The following PPP4R3B variants were observed in gnomAD, a reference collection of about 807,000 sequenced individuals.
PPP4R3B encodes the protein protein phosphatase 4 regulatory subunit 3B.
A neutral mutation model predicts 95.4 loss-of-function variants in PPP4R3B; 52 were observed. The observed-to-expected ratio is 0.54, with a 90% CI of 0.44 to 0.69. The LOEUF is 0.69. Ranked by LOEUF, PPP4R3B falls within the 30% of genes least tolerant of loss-of-function variation. The pLI, the probability that PPP4R3B is intolerant of heterozygous loss-of-function variation, is 0.00. For synonymous variants in PPP4R3B, 407 were observed against 343.9 expected (o/e 1.18, Z -2.03); for missense variants, 1,003 against 1,005.9 (o/e 1.00, Z 0.04).
chr2:55,581,487 A>G (rs1278591676), intron 8 of PPP4R3B, 80 bp downstream of exon 8: 1 of 1,417,468 alleles, frequency 7.1e-7, no homozygotes, highest in African/African-American at 1.4e-5. Context: ...TACTTAAAAT[A>G]CTTGTTTCTC....
chr2:55,610,329 C>T (rs912665542), intron 2 of PPP4R3B, among the ~76,000 whole-genome samples: 2 of 152,162 alleles, frequency 1.3e-5, no homozygotes, highest in Non-Finnish European at 2.9e-5. Context: ...ACACTCATTT[C>T]TTTAAACACA....
chr2:55,607,344 T>C (rs1185540652), intron 2 of PPP4R3B, among the ~76,000 whole-genome samples: 2 of 152,176 alleles, frequency 1.3e-5, no homozygotes. Context: ...TGCCCCCTAC[T>C]TCTAATGCCA....
At chr2:55,603,022 T>C (rs56176323) in intron 3 of PPP4R3B, among the ~76,000 whole-genome samples, 4,339 of 152,020 alleles carry the variant, frequency 0.029, 84 homozygotes, top group South Asian at 0.1. Flanking sequence ...TGGCATTATC[T>C]TGGCTCACTG....
rs567789369 is a variant in PPP4R3B at position 55,549,494 on chromosome 2, T to C, written c.*417A>G. Reference sequence around the variant, plus strand: ...GAGGCAACTGATTAAAACAACAACATGGCCAGCACCATTATACAAGTAATG... The same window carrying C: ...GAGGCAACTGATTAAAACAACAACACGGCCAGCACCATTATACAAGTAATG... On this transcript the variant is annotated 3_prime_UTR_variant, in exon 17 of 17. Coordinates refer to ENST00000616407, the MANE Select transcript of PPP4R3B (RefSeq NM_001122964.3). 8.5e-4 allele frequency: 131 copies of C among 154,540 alleles called. No homozygotes were observed. The highest frequency in any genetic ancestry group is 1.7e-3 in the Non-Finnish European group (119 of 69,364). 9.6% of individuals were successfully genotyped at this position (154,540 alleles called of 1,614,324 possible). A position where few individuals can be genotyped will look rare whatever the true frequency, so the allele number is the denominator to read the frequency against.
intron 2 of PPP4R3B, among the ~76,000 whole-genome samples, chr2:55,605,763 G>C (rs1693283790): frequency 6.6e-6 from 1 of 152,036 alleles, no homozygotes; most frequent in African/African-American, 2.4e-5. Context: ...AAAATTAGCT[G>C]GGCGTGGTGG....
chr2:55,586,598 A>T lies in PPP4R3B; in HGVS notation c.1116+20T>A. On this transcript the variant is annotated intron_variant, in intron 6 of 16. Coordinates refer to ENST00000616407, the MANE Select transcript of PPP4R3B (RefSeq NM_001122964.3). ...ACAAATTTACAATTTCAAAAACATG[A>T]AAAGAAACGGCATAATTACCATTAC... 1 of 1,448,600 alleles carries T rather than the reference A, an allele frequency of 6.9e-7. No homozygotes were observed. Among genetic ancestry groups the T allele is most frequent in the Non-Finnish European group, 9.6e-7 (1 of 1,046,110 alleles). 89.7% of individuals were successfully genotyped at this position (1,448,600 alleles called of 1,614,324 possible).
chr2:55,581,903 GAAAA>G (rs753938981), intron 7 of PPP4R3B, among the ~76,000 whole-genome samples: 1 of 142,964 alleles, frequency 7.0e-6, no homozygotes, highest in Non-Finnish European at 1.5e-5. Context: ...CCCACTCCGA[GAAAA>G]AAAAAAGAAG....
At chr2:55,596,153 T>A (rs550752623) in intron 4 of PPP4R3B, among the ~76,000 whole-genome samples, 2 of 152,284 alleles carry the variant, frequency 1.3e-5, no homozygotes, top group South Asian at 4.1e-4. Flanking sequence ...AACATACTTT[T>A]AACCCTTTAC....
rs1300751054 is a variant in PPP4R3B at position 55,599,493 on chromosome 2, C to T, written c.298-454G>A. Among the ~76,000 whole-genome samples, 5 of 152,224 alleles carry T rather than the reference C, an allele frequency of 3.3e-5. No individual in the cohort carries two copies. In the East Asian group the frequency reaches 9.7e-4, roughly 29 times the overall value. ...AAATAAATAAAATAAAATGAATTCT[C>T]TTCCAGCTTGGTCCCTGAATGACTC... On this transcript the variant is annotated intron_variant, in intron 3 of 16. Coordinates refer to ENST00000616407, the MANE Select transcript of PPP4R3B (RefSeq NM_001122964.3).
intron 11 of PPP4R3B, among the ~76,000 whole-genome samples, chr2:55,574,445 G>C (rs1412020294): frequency 6.6e-6 from 1 of 151,720 alleles, no homozygotes; most frequent in Non-Finnish European, 1.5e-5. Flanking sequence ...ATCTATAAAA[G>C]GGCCCATTGT....
rs143315825 is a variant in PPP4R3B, at chr2:55,555,671, A to G, written c.2454+3104T>C. 4.5e-3 allele frequency among the ~76,000 whole-genome samples: 681 copies of G among 152,368 alleles called. 3 individuals carry two copies. The highest frequency in any genetic ancestry group is 6.6e-3 in the Admixed American group (101 of 15,308). ...TGAAATGATATATGCAAGTGGTCAC[A>G]TATTGCAGCAATGATTTTAACTACA... is the stretch of plus-strand genomic sequence containing the variant. On this transcript the variant is annotated intron_variant, in intron 16 of 16. Coordinates refer to ENST00000616407, the MANE Select transcript of PPP4R3B (RefSeq NM_001122964.3).
Position 55,578,312 on chromosome 2 carries a change from C to T in PPP4R3B, c.1499G>A (p.Trp500Ter), listed in dbSNP as rs1265472528. 2.1e-6 allele frequency: 3 copies of T among 1,447,836 alleles called. No individual in the cohort carries two copies. Among genetic ancestry groups the T allele is most frequent in the Non-Finnish European group, 2.7e-6 (3 of 1,099,368 alleles). The allele number at this position is 1,447,836 out of a possible 1,614,324, so 89.7% of individuals were successfully genotyped here. A position where few individuals can be genotyped will look rare whatever the true frequency, so the allele number is the denominator to read the frequency against. ...DFFLKHYRYS[W>*]SFICTPSHSH... ...ATGTGAAGGGGTACATATGAAACTC[C>T]AACTATATCTGTAATGTTTTAAAAA... The change falls in exon 10 of 17, where the codon TGG becomes TAG. Residue 500 changes from tryptophan (W) to a stop codon, truncating the protein, a stop_gained. Coordinates refer to ENST00000616407, the MANE Select transcript of PPP4R3B (RefSeq NM_001122964.3). LOFTEE classifies it high-confidence loss of function.
At chr2:55,607,938 A>G (rs568963430) in intron 2 of PPP4R3B, among the ~76,000 whole-genome samples, 90 of 152,348 alleles carry the variant, frequency 5.9e-4, no homozygotes, top group African/African-American at 2.1e-3. Flanking sequence ...AAACATTGAA[A>G]GAGAAGGTCC....
chr2:55,602,002 AG>A (rs1033579615), intron 3 of PPP4R3B, among the ~76,000 whole-genome samples: 6 of 151,526 alleles, frequency 4.0e-5, no homozygotes, highest in Non-Finnish European at 7.4e-5. Flanking sequence ...GAACCTAAGA[AG>A]AAAAAAAATC....
At chr2:55,562,463 C>CT (rs1257991831) in intron 15 of PPP4R3B, among the ~76,000 whole-genome samples, 1 of 152,130 alleles carries the variant, frequency 6.6e-6, no homozygotes, top group Non-Finnish European at 1.5e-5. Flanking sequence ...GCACCTCCTC[C>CT]TTCACACTCT....
chr2:55,569,690 C>T (rs1453888589), intron 12 of PPP4R3B, among the ~76,000 whole-genome samples: 5 of 152,148 alleles, frequency 3.3e-5, no homozygotes, highest in Admixed American at 6.5e-5. Context: ...CCTTATTCTG[C>T]CCCTTTGTCT....
chr2:55,606,359 C>G (rs547946649), intron 2 of PPP4R3B, among the ~76,000 whole-genome samples: 42 of 152,160 alleles, frequency 2.8e-4, no homozygotes, highest in Non-Finnish European at 4.7e-4. Flanking sequence ...ATAGTATACC[C>G]AAACATAACA....
At chr2:55,550,946 CAT>C (rs1685175680) in intron 16 of PPP4R3B, among the ~76,000 whole-genome samples, 1 of 152,140 alleles carries the variant, frequency 6.6e-6, no homozygotes, top group African/African-American at 2.4e-5. Context: ...ATCACACACA[CAT>C]CTTAAGTCTG....
intron 6 of PPP4R3B, among the ~76,000 whole-genome samples, chr2:55,585,682 T>C (rs186173307): frequency 2.0e-5 from 3 of 152,288 alleles, no homozygotes; most frequent in Admixed American, 6.5e-5. Flanking sequence ...TTTTCTAAGA[T>C]GGTAATCCTA....
Sources: gnomAD v4.1 joint callset for allele counts (sites outside exome capture counted in the v4.1 genomes callset) on GRCh38, gnomAD v4.1.1 for gene constraint, MANE v1.5 for transcripts, NCBI Gene and HGNC (gene_info 2026-07-23, HGNC 2026-07-21) for gene names.